STK25: variants seen among roughly 807,000 people sequenced by gnomAD.
The protein encoded by STK25 is serine/threonine kinase 25.
A neutral mutation model predicts 53.8 loss-of-function variants in STK25; 29 were observed. That is an observed-to-expected ratio of 0.54 (90% confidence interval 0.40 to 0.74). The LOEUF (loss-of-function observed/expected upper bound fraction) is 0.74. Ranked by LOEUF, STK25 falls within the 30% of genes least tolerant of loss-of-function variation. STK25 has a pLI of 0.00. For missense variants in STK25, 420 were observed against 568.0 expected, an observed-to-expected ratio of 0.74 and a Z score of 2.65; for synonymous variants, 247 against 238.3, an observed-to-expected ratio of 1.04 and a Z score of -0.33.
intron 2 of STK25, among the ~76,000 whole-genome samples, chr2:241,505,349 G>GA (rs1182291561): frequency 6.6e-6 from 1 of 152,116 alleles, no homozygotes; most frequent in Non-Finnish European, 1.5e-5. Context: ...CACCCGGAAA[G>GA]ACCCCAAGGG....
At chr2:241,505,131 G>T (rs371033641) in intron 2 of STK25, among the ~76,000 whole-genome samples, 1 of 150,742 alleles carries the variant, frequency 6.6e-6, no homozygotes, top group East Asian at 1.9e-4. Context: ...CACCATGTTG[G>T]CCAGGCTAGT....
intron 2 of STK25, among the ~76,000 whole-genome samples, chr2:241,502,352 G>A (rs548351791): frequency 2.6e-5 from 4 of 152,274 alleles, no homozygotes; most frequent in Admixed American, 1.3e-4. Flanking sequence ...TGCCAGCCCC[G>A]TGACAGATGT....
rs1474955640 is a variant in STK25, at chr2:241,493,803, G to A, written c.*1859C>T. On this transcript the variant is annotated 3_prime_UTR_variant, in exon 12 of 12. Coordinates refer to ENST00000316586, the MANE Select transcript of STK25 (RefSeq NM_001271977.2). The stretch of plus-strand genomic sequence containing the variant: ...GTAGAGACAGGGTTTCACCATGTTG[G>A]CCAGGCTGGTCTCGAACTCCTGACC... The A allele has an allele frequency of 6.0e-6, 3 of 499,546 alleles. No homozygotes were observed. Among genetic ancestry groups the A allele is most frequent in the South Asian group, 3.6e-5 (1 of 28,002 alleles). The allele number at this position is 499,546 out of a possible 1,614,324, so 30.9% of individuals were successfully genotyped here. A position where few individuals can be genotyped will look rare whatever the true frequency, so the allele number is the denominator to read the frequency against.
Position 241,499,596 on chromosome 2 carries a change from C to T in STK25, c.428-182G>A, listed in dbSNP as rs1195676277. ...CCACCTAGGGCCACAGGGGCACTGCCAGCAGGAGCCCAACGGCTCCACTCC... is the reference window on the plus strand; with the variant it reads ...CCACCTAGGGCCACAGGGGCACTGCTAGCAGGAGCCCAACGGCTCCACTCC... On this transcript the variant is annotated intron_variant, in intron 5 of 11. Coordinates refer to ENST00000316586, the MANE Select transcript of STK25 (RefSeq NM_001271977.2). The T allele has an allele frequency of 5.7e-6, 4 of 706,186 alleles. No individual in the cohort carries two copies. The East Asian group carries it at 1.1e-4, about 19-fold the overall frequency. The allele number at this position is 706,186 out of a possible 1,614,324, so 43.7% of individuals were successfully genotyped here.
chr2:241,496,020 C>A lies in STK25; in HGVS notation c.1242-319G>T, dbSNP rs931167809. Reference sequence around the variant, plus strand: ...GCATCTGTCCTGCCCTGTCTCTTTGCTAAGGACTCGAGTCAGCACAGGGGC... The same window carrying A: ...GCATCTGTCCTGCCCTGTCTCTTTGATAAGGACTCGAGTCAGCACAGGGGC... On this transcript the variant is annotated intron_variant, in intron 11 of 11. Coordinates refer to ENST00000316586, the MANE Select transcript of STK25 (RefSeq NM_001271977.2). The surrounding 1 kb of genome is among the most constrained non-coding windows in gnomAD (Gnocchi z 5.8). Among the ~76,000 whole-genome samples, 2 of 152,228 alleles carry A rather than the reference C, an allele frequency of 1.3e-5. No homozygotes were observed. The highest frequency in any genetic ancestry group is 2.4e-5 in the African/African-American group (1 of 41,464).
At chr2:241,508,710 T>C (rs570551528), upstream of STK25, 706 of 984,396 alleles carry the variant, frequency 7.2e-4, 2 homozygotes, top group Admixed American at 3.3e-3. Flanking sequence ...CCCGGCAGGC[T>C]GCGCGAGAGG....
At position 241,496,831 on chromosome 2, in the gene STK25, A is replaced by G. The variant is rs1268332899; in HGVS notation, c.1105-297T>C. On this transcript the variant is annotated intron_variant, in intron 10 of 11. Coordinates refer to ENST00000316586, the MANE Select transcript of STK25 (RefSeq NM_001271977.2). This position sits in a 1 kb window ranked among gnomAD's most constrained non-coding sequence, Gnocchi z 5.8. The stretch of plus-strand genomic sequence containing the variant: ...GATGGCTTCCTCCCAGCCGAGGGTC[A>G]TGGAAGCCACTCAATGGGTCTAATC... Among the ~76,000 whole-genome samples the G allele has an allele frequency of 6.6e-6, 1 of 152,132 alleles. No homozygotes were observed. The highest frequency in any genetic ancestry group is 1.5e-5 in the Non-Finnish European group (1 of 68,006).
intron 2 of STK25, among the ~76,000 whole-genome samples, chr2:241,503,221 T>TC (rs2065613771): frequency 6.6e-6 from 1 of 151,848 alleles, no homozygotes; most frequent in Admixed American, 6.6e-5. Flanking sequence ...GCACCACCAC[T>TC]CCCAGTTAAT....
chr2:241,494,120 G>A lies in STK25; in HGVS notation c.*1542C>T, dbSNP rs2065038644. 1 of 1,477,010 alleles carries A rather than the reference G, an allele frequency of 6.8e-7. No homozygotes were observed. The highest frequency in any genetic ancestry group is 8.9e-7 in the Non-Finnish European group (1 of 1,120,630). 91.5% of individuals were successfully genotyped at this position (1,477,010 alleles called of 1,614,324 possible). Reference sequence around the variant, plus strand: ...GGAGGGGATGGTCAGGGGGAAGGAGGAATGACGCTCAACCTGCCCAGGTTT... The same window carrying A: ...GGAGGGGATGGTCAGGGGGAAGGAGAAATGACGCTCAACCTGCCCAGGTTT... On this transcript the variant is annotated 3_prime_UTR_variant, in exon 12 of 12. Transcript: ENST00000316586. The surrounding 1 kb of genome is among the most constrained non-coding windows in gnomAD (Gnocchi z 4.9).
At chr2:241,497,280 T>C (rs2065231648) in intron 10 of STK25, 1 of 251,300 alleles carries the variant, frequency 4.0e-6, no homozygotes, top group Non-Finnish European at 7.7e-6. Context: ...GTGACGTTGA[T>C]GCAGGGTCAC....
At chr2:241,500,920 C>T (rs1412764791) in intron 3 of STK25, 124 bp from the exon 4 acceptor site, 1 of 900,446 alleles carries the variant, frequency 1.1e-6, no homozygotes, top group African/African-American at 1.7e-5. Flanking sequence ...GCCAAGAACC[C>T]TGAACAGGAA....
chr2:241,495,549 G>A lies in STK25; in HGVS notation c.*113C>T, dbSNP rs951125709. The A allele has an allele frequency of 2.1e-5, 25 of 1,185,836 alleles. No individual in the cohort carries two copies. In the Middle Eastern group the frequency reaches 5.7e-4, roughly 27 times the overall value. The allele number at this position is 1,185,836 out of a possible 1,614,324, so 73.5% of individuals were successfully genotyped here. A position where few individuals can be genotyped will look rare whatever the true frequency, so the allele number is the denominator to read the frequency against. On this transcript the variant is annotated 3_prime_UTR_variant, in exon 12 of 12. Transcript: ENST00000316586. ...GCATGTGAGGCCCACGGGATCCGAC[G>A]TGTCCCTGCAGGCACGACATAGCAC...
intron 2 of STK25, among the ~76,000 whole-genome samples, chr2:241,507,206 A>T (rs1234691086): frequency 6.6e-6 from 1 of 152,238 alleles, no homozygotes; most frequent in Non-Finnish European, 1.5e-5. Flanking sequence ...GAGTCAAAAA[A>T]GTGGGGAGGG....
chr2:241,508,651 C>T, upstream of STK25: 1 of 986,518 alleles, frequency 1.0e-6, no homozygotes, highest in Non-Finnish European at 1.2e-6. Context: ...GACCCCGAGT[C>T]CCACCGCCCA....
intron 2 of STK25, among the ~76,000 whole-genome samples, chr2:241,506,946 A>C (rs902615858): frequency 6.6e-6 from 1 of 152,130 alleles, no homozygotes; most frequent in East Asian, 1.9e-4. Flanking sequence ...TGCCTGGCCC[A>C]ACAGCTGCAC....
In STK25 at chr2:241,492,819, A is replaced by T; in HGVS notation, c.*2843T>A. The stretch of plus-strand genomic sequence containing the variant: ...TCATAGCAGTCCAGAGGTAAAACCA[A>T]GGCCTCAGCTGGAGAAAGCATGCAG... On this transcript the variant is annotated 3_prime_UTR_variant, in exon 12 of 12. Coordinates refer to ENST00000316586, the MANE Select transcript of STK25 (RefSeq NM_001271977.2). The T allele has an allele frequency of 1.5e-6, 1 of 672,020 alleles. No individual in the cohort carries two copies. The highest frequency in any genetic ancestry group is 2.7e-6 in the Non-Finnish European group (1 of 372,074). The allele number at this position is 672,020 out of a possible 1,614,324, so 41.6% of individuals were successfully genotyped here. A position where few individuals can be genotyped will look rare whatever the true frequency, so the allele number is the denominator to read the frequency against.
chr2:241,507,211 G>C (rs2065884698), intron 2 of STK25, among the ~76,000 whole-genome samples: 1 of 152,194 alleles, frequency 6.6e-6, no homozygotes, highest in Non-Finnish European at 1.5e-5. Context: ...AAAAAAGTGG[G>C]GAGGGGTAGA....
chr2:241,493,041 T>C lies in STK25; in HGVS notation c.*2621A>G. ...TTCTTCTACAAAACTCATCAGGTAC[T>C]GGAGTTTCACTGGAGCCCAATGCAG... On this transcript the variant is annotated 3_prime_UTR_variant, in exon 12 of 12. Coordinates refer to ENST00000316586, the MANE Select transcript of STK25 (RefSeq NM_001271977.2). 6.6e-7 allele frequency: 1 copy of C among 1,512,626 alleles called. No homozygotes were observed. The highest frequency in any genetic ancestry group is 9.2e-7 in the Non-Finnish European group (1 of 1,087,112). 93.7% of individuals were successfully genotyped at this position (1,512,626 alleles called of 1,614,324 possible). A position where few individuals can be genotyped will look rare whatever the true frequency, so the allele number is the denominator to read the frequency against.
At chr2:241,500,971 C>T (rs575588841) in intron 3 of STK25, 175 bp from the exon 4 acceptor site, 1 of 622,978 alleles carries the variant, frequency 1.6e-6, no homozygotes, top group East Asian at 2.8e-5. Context: ...TCCTGCCACA[C>T]TACTGCTACA....
Sources: gnomAD v4.1 joint callset for allele counts (sites outside exome capture counted in the v4.1 genomes callset) on GRCh38, gnomAD v4.1.1 for gene constraint, Gnocchi (gnomAD v3.1) non-coding constraint, MANE v1.5 for transcripts, NCBI Gene and HGNC (gene_info 2026-07-23, HGNC 2026-07-21) for gene names.